The following LARS2 variants were observed in gnomAD, a reference collection of about 807,000 sequenced individuals.
LARS2 encodes leucyl-tRNA synthetase 2, mitochondrial.
In LARS2, 81 loss-of-function variants were observed where a neutral mutation model predicts 116.6. That is an observed-to-expected ratio of 0.69 (90% CI 0.58 to 0.84). LARS2 has a LOEUF of 0.84. Ranked by LOEUF, LARS2 falls within the 40% of genes least tolerant of loss-of-function variation. LARS2 has a pLI of 0.00. For synonymous variants in LARS2, 396 were observed against 407.2 expected, an observed-to-expected ratio of 0.97 and a Z score of 0.33; for missense variants, 968 against 1,114.5, an observed-to-expected ratio of 0.87 and a Z score of 1.87.
chr3:45,480,668 G>A (rs1167696703), intron 10 of LARS2, among the ~76,000 whole-genome samples: 1 of 152,174 alleles, frequency 6.6e-6, no homozygotes, highest in Non-Finnish European at 1.5e-5. Flanking sequence ...ACCTATTCAG[G>A]AACTTTGGAT....
At chr3:45,518,559 C>T (rs377403596) in intron 18 of LARS2, among the ~76,000 whole-genome samples, 17 of 152,294 alleles carry the variant, frequency 1.1e-4, no homozygotes, top group African/African-American at 3.6e-4. Flanking sequence ...TAACGTCACA[C>T]GGCTAGTGAG....
chr3:45,501,536 A>G (rs1234996435), intron 15 of LARS2, among the ~76,000 whole-genome samples: 1 of 152,154 alleles, frequency 6.6e-6, no homozygotes, highest in Non-Finnish European at 1.5e-5. Flanking sequence ...ATATTCCATT[A>G]TATGGAATGA....
chr3:45,398,301 T>C (rs1454183516), intron 3 of LARS2, among the ~76,000 whole-genome samples: 1 of 152,240 alleles, frequency 6.6e-6, no homozygotes, highest in African/African-American at 2.4e-5. Context: ...AAGAATCTGA[T>C]TTCTGGTTTC....
chr3:45,390,222 T>C (rs930158191), intron 1 of LARS2, among the ~76,000 whole-genome samples: 13 of 152,266 alleles, frequency 8.5e-5, no homozygotes, highest in Non-Finnish European at 1.8e-4. Context: ...GTTGTAAAGT[T>C]GATCTTTTTC....
chr3:45,478,032 G>T (rs1699642534), intron 10 of LARS2, among the ~76,000 whole-genome samples: 1 of 152,210 alleles, frequency 6.6e-6, no homozygotes, highest in Non-Finnish European at 1.5e-5. Flanking sequence ...ACAGAGGACA[G>T]CCAGATGCAT....
chr3:45,450,916 A>G (rs928103417), intron 7 of LARS2, among the ~76,000 whole-genome samples: 5 of 152,062 alleles, frequency 3.3e-5, no homozygotes, highest in Admixed American at 2.0e-4. Context: ...TGTGGTTTTG[A>G]TTTGCACTTC....
At chr3:45,406,151 A>G (rs191838617) in intron 4 of LARS2, among the ~76,000 whole-genome samples, 1 of 152,304 alleles carries the variant, frequency 6.6e-6, no homozygotes, top group Admixed American at 6.5e-5. Flanking sequence ...AGACCTCTCA[A>G]TTGGAGCCTG....
At chr3:45,461,196 A>G (rs769868155) in intron 8 of LARS2, among the ~76,000 whole-genome samples, 25 of 152,034 alleles carry the variant, frequency 1.6e-4, no homozygotes, top group Non-Finnish European at 3.4e-4. Flanking sequence ...CTCAGGAGAG[A>G]GTAGAAACTT....
chr3:45,472,223 T>A (rs923273143), intron 8 of LARS2, among the ~76,000 whole-genome samples: 1 of 152,220 alleles, frequency 6.6e-6, no homozygotes, highest in Non-Finnish European at 1.5e-5. Context: ...ATCTCCAGCC[T>A]CTCAATCTGG....
chr3:45,523,381 A>G (rs1700482682), intron 19 of LARS2, among the ~76,000 whole-genome samples: 1 of 152,128 alleles, frequency 6.6e-6, no homozygotes, highest in Admixed American at 6.6e-5. Flanking sequence ...AGTGGGTAAG[A>G]GTTTGGCTAC....
At chr3:45,482,560 AATG>A (rs1368700868) in intron 10 of LARS2, among the ~76,000 whole-genome samples, 1 of 152,250 alleles carries the variant, frequency 6.6e-6, no homozygotes, top group Non-Finnish European at 1.5e-5. Flanking sequence ...TCAGATATAA[AATG>A]ATAATACTTC....
chr3:45,393,385 G>A (rs1697990222), intron 2 of LARS2, among the ~76,000 whole-genome samples: 1 of 151,900 alleles, frequency 6.6e-6, no homozygotes, highest in African/African-American at 2.4e-5. Context: ...CACCAACCTG[G>A]CCAACATGGT....
At chr3:45,437,817 C>G (rs73070337) in intron 6 of LARS2, among the ~76,000 whole-genome samples, 25,387 of 151,676 alleles carry the variant, frequency 0.17, 2,149 homozygotes, top group Middle Eastern at 0.23. Context: ...CAGGGACTGT[C>G]CTAAGTACTT....
In LARS2 at chr3:45,469,759, C is replaced by T. The variant is rs1434964292; in HGVS notation, c.751-4484C>T. 2.4e-4 allele frequency among the ~76,000 whole-genome samples: 36 copies of T among 152,128 alleles called. 1 individual carries two copies. Among genetic ancestry groups the T allele is most frequent in the Admixed American group, 2.4e-3 (36 of 15,276 alleles). On this transcript the variant is annotated intron_variant, in intron 8 of 21. Coordinates refer to ENST00000645846, the MANE Select transcript of LARS2 (RefSeq NM_015340.4). ...TAGAGGGAATGTCTATATTTTTAAA[C>T]ATCTTGCTGCCTTCATAATTGGTTT...
chr3:45,418,785 G>A (rs561152284), intron 5 of LARS2, among the ~76,000 whole-genome samples: 1 of 152,328 alleles, frequency 6.6e-6, no homozygotes, highest in African/African-American at 2.4e-5. Context: ...TGGCCCCTGA[G>A]CCAGGCTACC....
intron 3 of LARS2, among the ~76,000 whole-genome samples, chr3:45,396,871 C>G (rs1698055564): frequency 6.6e-6 from 1 of 152,186 alleles, no homozygotes; most frequent in African/African-American, 2.4e-5. Context: ...ACACAGAAAC[C>G]TTCTTTTGTC....
intron 20 of LARS2, among the ~76,000 whole-genome samples, chr3:45,526,648 T>G (rs927045301): frequency 1.3e-5 from 2 of 152,052 alleles, no homozygotes; most frequent in African/African-American, 4.8e-5. Flanking sequence ...CAATGGTGAC[T>G]CGGGCACAGC....
At chr3:45,527,157 G>A (rs1700541957) in intron 20 of LARS2, among the ~76,000 whole-genome samples, 1 of 152,132 alleles carries the variant, frequency 6.6e-6, no homozygotes, top group African/African-American at 2.4e-5. Context: ...ATAACAATTT[G>A]GGTTTATTAC....
chr3:45,456,223 A>G (rs962413062), intron 7 of LARS2, among the ~76,000 whole-genome samples: 2 of 152,304 alleles, frequency 1.3e-5, no homozygotes, highest in South Asian at 4.2e-4. Flanking sequence ...TTGTGTACAT[A>G]TATCAAAATA....
Sources: gnomAD v4.1 joint callset for allele counts (sites outside exome capture counted in the v4.1 genomes callset) on GRCh38, gnomAD v4.1.1 for gene constraint, MANE v1.5 for transcripts, NCBI Gene and HGNC (gene_info 2026-07-23, HGNC 2026-07-21) for gene names.